Variants in KNTC1 observed in about 807,000 individuals in gnomAD.
KNTC1 encodes the protein kinetochore-associated protein 1.
KNTC1 carries 253 observed loss-of-function variants against 314.4 expected under a neutral mutation model. The ratio of observed to expected loss-of-function variants is 0.80; its 90% CI spans 0.73 to 0.89. KNTC1 has a LOEUF of 0.89. Ranked by LOEUF, KNTC1 falls within the 40% of genes least tolerant of loss-of-function variation. KNTC1 has a pLI of 0.00. For synonymous variants in KNTC1, 901 were observed against 901.4 expected, an observed-to-expected ratio of 1.00 and a Z score of 0.01; for missense variants, 2,475 against 2,572.9, an observed-to-expected ratio of 0.96 and a Z score of 0.82.
At position 122,613,208 on chromosome 12, in the gene KNTC1, A is replaced by G. The variant is rs778267811; in HGVS notation, c.5719A>G (p.Lys1907Glu). 1 of 1,601,716 alleles carries G rather than the reference A, an allele frequency of 6.2e-7. No homozygotes were observed. Among genetic ancestry groups the G allele is most frequent in the African/African-American group, 1.3e-5 (1 of 74,646 alleles). Reference protein sequence around the residue: ...ADKETIESLFKKPIEEVKSYL... With the variant: ...ADKETIESLFEKPIEEVKSYL... The stretch of plus-strand genomic sequence containing the variant: ...CAAGGAAACTATAGAATCTCTCTTT[A>G]AAAAACCCATTGAAGAAGTGAAGTA... The change falls in exon 54 of 64, where the codon AAA (lysine) becomes GAA (glutamate). Residue 1907 changes from lysine to glutamate, a missense_variant. Lys to Glu is a moderately conservative substitution (Grantham distance 56). Coordinates refer to ENST00000333479, the MANE Select transcript of KNTC1 (RefSeq NM_014708.6).
intron 62 of KNTC1, among the ~76,000 whole-genome samples, chr12:122,624,258 C>T (rs1180184316): frequency 7.7e-6 from 1 of 130,248 alleles, no homozygotes; most frequent in African/African-American, 2.5e-5. Context: ...ACTTCAATGC[C>T]TCTTTTTCTT....
intron 2 of KNTC1, among the ~76,000 whole-genome samples, chr12:122,531,795 A>ATG: frequency 6.7e-6 from 1 of 148,238 alleles, no homozygotes; most frequent in Non-Finnish European, 1.5e-5. Context: ...GTACAGTGGC[A>ATG]TGATCTCAGC....
chr12:122,548,219 A>T (rs557023095), intron 12 of KNTC1, among the ~76,000 whole-genome samples: 2 of 152,018 alleles, frequency 1.3e-5, no homozygotes, highest in South Asian at 2.1e-4. Flanking sequence ...TATTATTATT[A>T]TTTTTTTGAG....
chr12:122,580,040 G>GGGT, intron 32 of KNTC1, 63 bp downstream of exon 32: 3 of 1,121,908 alleles, frequency 2.7e-6, no homozygotes, highest in Non-Finnish European at 4.0e-6. Flanking sequence ...TTCAGAAAGA[G>GGGT]GCATCGAAGA....
chr12:122,579,968 A>G lies in KNTC1; in HGVS notation c.2905A>G (p.Ile969Val), dbSNP rs1251960122. The change falls in exon 32 of 64, where the codon ATT (isoleucine) becomes GTT (valine). Residue 969 changes from isoleucine to valine, a missense_variant. Coordinates refer to ENST00000333479, the MANE Select transcript of KNTC1 (RefSeq NM_014708.6). ...GGACATTCTTAAGATACTATGTGAC[A>G]TTCAGAAAGGTAGCTTTTACTTCTG... Reference protein sequence around the residue: ...SVDILKILCDIQKDNLQKKDE... With the variant: ...SVDILKILCDVQKDNLQKKDE... 3 of 1,604,892 alleles carry G rather than the reference A, an allele frequency of 1.9e-6. No homozygotes were observed. The highest frequency in any genetic ancestry group is 3.3e-5 in the Admixed American group (2 of 59,980).
intron 8 of KNTC1, among the ~76,000 whole-genome samples, chr12:122,544,900 T>C (rs946975721): frequency 1.3e-5 from 2 of 152,214 alleles, no homozygotes; most frequent in African/African-American, 4.8e-5. Context: ...TAAAGTGTCT[T>C]TGATGTAATG....
chr12:122,602,867 T>A lies in KNTC1; in HGVS notation c.4864T>A (p.Leu1622Ile). Residue 1622 changes from leucine to isoleucine, a missense_variant, in exon 47 of 64, where the codon TTA becomes ATA. Transcript: ENST00000333479. ...TGAAGAATCTTTCCCAACATTGCTC[T>A]TAATTTCGAAATTAATGAAGGTAAT... ...LSEESFPTLLLISKLMKFSLD... is the reference protein window; with the variant it reads ...LSEESFPTLLIISKLMKFSLD... 2 of 1,610,788 alleles carry A rather than the reference T, an allele frequency of 1.2e-6. No individual in the cohort carries two copies. Among genetic ancestry groups the A allele is most frequent in the Admixed American group, 1.7e-5 (1 of 60,010 alleles).
At position 122,625,593 on chromosome 12, in the gene KNTC1, A is replaced by AC. The variant is rs202230879; in HGVS notation, c.6607-612_6607-611insC. Among the ~76,000 whole-genome samples, 1,145 of 152,056 alleles carry AC rather than the reference A, an allele frequency of 7.5e-3. 14 individuals are homozygous for AC. The highest frequency in any genetic ancestry group is 0.027 in the African/African-American group (1,105 of 41,494). On this transcript the variant is annotated intron_variant, in intron 63 of 63. Transcript: ENST00000333479. Reference sequence around the variant, plus strand: ...AAAAATCAAAACAAAACAAAACAAAAAAAAAAAACAAAGGAAAAAGAGAAA... The same window carrying AC: ...AAAAATCAAAACAAAACAAAACAAAACAAAAAAAACAAAGGAAAAAGAGAAA...
intron 31 of KNTC1, 62 bp downstream of exon 31, chr12:122,577,853 A>G (rs1447210512): frequency 2.8e-6 from 4 of 1,452,936 alleles, no homozygotes; most frequent in Admixed American, 2.0e-5. Context: ...AATCAATAGG[A>G]TAGAAAAGAT....
rs144203181 is a variant in KNTC1 at position 122,534,748 on chromosome 12, A to G, written c.214A>G (p.Ser72Gly). Residue 72 changes from serine (S) to glycine (G), a missense_variant, in exon 3 of 64, where the codon AGT becomes GGT. Coordinates refer to ENST00000333479, the MANE Select transcript of KNTC1 (RefSeq NM_014708.6). The part of the protein sequence containing the change: ...VADQSVILLD[S>G]ICRSLQLHLV... ...CGACCAATCAGTGATATTGCTTGAC[A>G]GTATTTGTAGATCACTTCAATTGCA... 217 of 1,612,266 alleles carry G rather than the reference A, an allele frequency of 1.3e-4. 1 individual carries two copies. In the African/African-American group the frequency reaches 2.4e-3, roughly 18 times the overall value.
At chr12:122,590,939 C>G (rs1178253911) in intron 41 of KNTC1, among the ~76,000 whole-genome samples, 1 of 151,992 alleles carries the variant, frequency 6.6e-6, no homozygotes. Flanking sequence ...CAAAGAATTA[C>G]AGTTTTTTAA....
intron 5 of KNTC1, among the ~76,000 whole-genome samples, chr12:122,540,234 A>C (rs1962193582): frequency 6.8e-6 from 1 of 147,372 alleles, no homozygotes; most frequent in African/African-American, 2.5e-5. Context: ...GTGCAATGGC[A>C]CGACCTCGGC....
intron 16 of KNTC1, among the ~76,000 whole-genome samples, chr12:122,556,682 C>T (rs1034729746): frequency 1.6e-4 from 24 of 151,398 alleles, no homozygotes; most frequent in African/African-American, 4.6e-4. Context: ...AGGCTGGTAT[C>T]GAACTCCTGA....
Position 122,590,647 on chromosome 12 carries a change from G to A in KNTC1, c.4040G>A (p.Gly1347Asp). ...CRLVDLDLAL[G>D]YCTLLPQKDV... ...TTGGTAGATCTTGACCTGGCGTTGG[G>A]TTACTGCACTCTCTTACCTCAAAAA... Residue 1347 changes from glycine to aspartate, a missense_variant, in exon 41 of 64, where the codon GGT becomes GAT. Transcript: ENST00000333479. 3 of 1,613,478 alleles carry A rather than the reference G, an allele frequency of 1.9e-6. No individual in the cohort carries two copies. The highest frequency in any genetic ancestry group is 2.5e-6 in the Non-Finnish European group (3 of 1,179,638).
intron 51 of KNTC1, among the ~76,000 whole-genome samples, chr12:122,607,438 A>G (rs1312063215): frequency 6.6e-6 from 1 of 152,170 alleles, no homozygotes; most frequent in Admixed American, 6.6e-5. Flanking sequence ...TTGAAGAGTG[A>G]AATCCAGCTG....
In KNTC1 at chr12:122,576,422, C is replaced by T. The variant is rs550529480; in HGVS notation, c.2587-473C>T. On this transcript the variant is annotated intron_variant, in intron 29 of 63. Coordinates refer to ENST00000333479, the MANE Select transcript of KNTC1 (RefSeq NM_014708.6). ...TAGGCCAGGTGCGGTGGCTCACACCCGTAATCCCAGCACTTTGGGAGGCCA... is the reference window on the plus strand; with the variant it reads ...TAGGCCAGGTGCGGTGGCTCACACCTGTAATCCCAGCACTTTGGGAGGCCA... Among the ~76,000 whole-genome samples, 46 of 152,136 alleles carry T rather than the reference C, an allele frequency of 3.0e-4. 1 individual carries two copies. In the South Asian group the frequency reaches 7.7e-3, roughly 25 times the overall value.
chr12:122,616,178 C>T (rs1432269570), intron 57 of KNTC1, among the ~76,000 whole-genome samples: 7 of 151,906 alleles, frequency 4.6e-5, no homozygotes, highest in African/African-American at 1.7e-4. Context: ...CTGAGTAAAA[C>T]ATGAAAATTC....
intron 34 of KNTC1, among the ~76,000 whole-genome samples, chr12:122,583,606 A>C (rs895764907): frequency 3.9e-5 from 6 of 152,004 alleles, no homozygotes; most frequent in African/African-American, 1.5e-4. Context: ...TGGGCAGATC[A>C]CTTGAGGTCA....
At chr12:122,604,499 AT>A (rs1039011669) in intron 48 of KNTC1, 64 bp from the exon 49 acceptor site, 2 of 979,608 alleles carry the variant, frequency 2.0e-6, no homozygotes, top group Middle Eastern at 2.8e-4. Context: ...ACCAAAATAC[AT>A]TTTCTTGAAA....
Sources: allele counts gnomAD v4.1 joint callset (sites outside exome capture counted in the v4.1 genomes callset), GRCh38; gene constraint gnomAD v4.1.1; transcripts MANE v1.5; gene names NCBI Gene and HGNC (gene_info 2026-07-23, HGNC 2026-07-21).